The following ACACA variants were observed in gnomAD, a reference collection of about 807,000 sequenced individuals.
The protein encoded by ACACA is acetyl-CoA carboxylase 1.
A neutral mutation model predicts 296.1 loss-of-function variants in ACACA; 103 were observed. That is an observed-to-expected ratio of 0.35 (90% CI 0.30 to 0.41). The LOEUF is 0.41. Ranked by LOEUF, ACACA falls within the 10% of genes least tolerant of loss-of-function variation. The pLI is 1.00. For synonymous variants in ACACA, 953 were observed against 1,038.6 expected (o/e 0.92, Z 1.58); for missense variants, 1,554 against 2,989.7 (o/e 0.52, Z 11.20).
At position 37,252,010 on chromosome 17, in the gene ACACA, T is replaced by C. The variant is rs769794698; in HGVS notation, c.2076A>G (p.Leu692=). 14 of 1,613,894 alleles carry C rather than the reference T, an allele frequency of 8.7e-6. No individual in the cohort carries two copies. The East Asian group carries it at 1.1e-4, about 13-fold the overall frequency. Residue 692 remains leucine, a synonymous_variant, in exon 16 of 56, where the codon TTA becomes TTG. Coordinates refer to ENST00000616317, the MANE Select transcript of ACACA (RefSeq NM_198834.3). ...CTACAAGAAACAAAGCCTACCTTTC[T>C]AAGGAGTGAAGGAAGTTAGAGACGC... ...RNSVSNFLHS[L]ERGQVLPAHT... is the part of the protein sequence containing the mutation.
chr17:37,174,014 ATATATATTTT>A (rs1207649786), intron 41 of ACACA, among the ~76,000 whole-genome samples: 2 of 14,004 alleles, frequency 1.4e-4, no homozygotes, highest in South Asian at 5.6e-3. Flanking sequence ...ATATATATAT[ATATATATTTT>A]TTTTTTTTTT....
chr17:37,152,022 C>T (rs1219814133), intron 43 of ACACA, among the ~76,000 whole-genome samples: 19 of 151,704 alleles, frequency 1.3e-4, no homozygotes, highest in Admixed American at 1.1e-3. Flanking sequence ...GTCTCGATCT[C>T]TTGACCTTGT....
intron 41 of ACACA, among the ~76,000 whole-genome samples, chr17:37,168,804 A>G (rs2076780310): frequency 6.6e-6 from 1 of 152,214 alleles, no homozygotes; most frequent in Admixed American, 6.5e-5. Flanking sequence ...GGTTTATACA[A>G]TATTAATGTC....
At chr17:37,403,000 C>T (rs972690896) in intron 1 of ACACA, among the ~76,000 whole-genome samples, 1 of 152,162 alleles carries the variant, frequency 6.6e-6, no homozygotes. Flanking sequence ...TTTGCCTTTA[C>T]TTACTCATTT....
chr17:37,172,245 G>A (rs2076910376), intron 41 of ACACA, among the ~76,000 whole-genome samples: 1 of 152,150 alleles, frequency 6.6e-6, no homozygotes, highest in African/African-American at 2.4e-5. Context: ...TACTACTTTA[G>A]TGAGCCAGTG....
chr17:37,196,328 T>G (rs1315564665), intron 35 of ACACA, among the ~76,000 whole-genome samples: 2 of 151,778 alleles, frequency 1.3e-5, no homozygotes, highest in Non-Finnish European at 2.9e-5. Context: ...TGATAACTGC[T>G]CATATAGTGA....
chr17:37,230,387 AAAAT>A (rs200006134), intron 25 of ACACA, among the ~76,000 whole-genome samples: 112,952 of 144,222 alleles, frequency 0.78, 44,517 homozygotes, highest in Non-Finnish European at 0.82. Context: ...TCCATCTCAA[AAAAT>A]AAATAAATAA....
intron 3 of ACACA, chr17:37,301,394 C>T: frequency 1.0e-6 from 1 of 985,370 alleles, no homozygotes; most frequent in Non-Finnish European, 1.2e-6. Flanking sequence ...GCACAAAATC[C>T]AACTAGAAGC....
intron 54 of ACACA, among the ~76,000 whole-genome samples, chr17:37,090,665 G>A (rs971383745): frequency 2.6e-5 from 4 of 152,252 alleles, no homozygotes; most frequent in East Asian, 1.9e-4. Context: ...TATCCACGAG[G>A]GAGAAGGTAG....
chr17:37,139,907 G>A (rs1413432194), intron 45 of ACACA, among the ~76,000 whole-genome samples: 1 of 152,208 alleles, frequency 6.6e-6, no homozygotes, highest in African/African-American at 2.4e-5. Flanking sequence ...ACATGAGAAA[G>A]ATTTTGGTTC....
At chr17:37,323,061 C>A (rs138066953) in intron 3 of ACACA, among the ~76,000 whole-genome samples, 7 of 152,388 alleles carry the variant, frequency 4.6e-5, no homozygotes, top group Admixed American at 6.5e-5. Context: ...TGTCTGCAGA[C>A]AGCAAAGCTG....
At chr17:37,359,098 G>C in intron 1 of ACACA, 1 of 985,706 alleles carries the variant, frequency 1.0e-6, no homozygotes, top group Non-Finnish European at 1.2e-6. Context: ...ATGGCTGACA[G>C]GCGTGCAGCA....
At position 37,339,851 on chromosome 17, in the gene ACACA, C is replaced by G; in HGVS notation, c.39-1G>C. ...AGTAGATATCCACTTCCAAAAAGAC[C>G]TAGAGAGAAAGAGAAAGATTTTAAG... On this transcript the variant is annotated splice_acceptor_variant, in intron 1 of 55. Coordinates refer to ENST00000616317, the MANE Select transcript of ACACA (RefSeq NM_198834.3). LOFTEE classifies it high-confidence loss of function. The G allele has an allele frequency of 7.8e-7, 1 of 1,280,638 alleles. No homozygotes were observed. The highest frequency in any genetic ancestry group is 1.3e-5 in the South Asian group (1 of 79,948). 79.3% of individuals were successfully genotyped at this position (1,280,638 alleles called of 1,614,324 possible).
intron 1 of ACACA, chr17:37,385,948 A>G: frequency 1.7e-6 from 2 of 1,177,096 alleles, no homozygotes; most frequent in Non-Finnish European, 2.4e-6. Flanking sequence ...TTCATCAGAT[A>G]AAACCAAAGG....
At chr17:37,101,021 C>T (rs896321425) in intron 52 of ACACA, among the ~76,000 whole-genome samples, 1 of 150,674 alleles carries the variant, frequency 6.6e-6, no homozygotes, top group Admixed American at 6.6e-5. Flanking sequence ...TGCTTGAACC[C>T]GGGAACTGGA....
intron 30 of ACACA, 105 bp from the exon 31 acceptor site, chr17:37,207,905 C>G (rs1031902603): frequency 3.4e-5 from 47 of 1,385,844 alleles, no homozygotes; most frequent in Non-Finnish European, 4.6e-5. Context: ...GAAGTAGGGT[C>G]AGGTTGCAGA....
chr17:37,146,783 G>C (rs2075829137), intron 45 of ACACA, among the ~76,000 whole-genome samples: 1 of 151,786 alleles, frequency 6.6e-6, no homozygotes, highest in South Asian at 2.1e-4. Flanking sequence ...TCAGGAGTGA[G>C]CATCAAGAAC....
chr17:37,205,857 G>A lies in ACACA; in HGVS notation c.3964C>T (p.Pro1322Ser). ...YDEDKVPRDE[P>S]IHILNVAIKT... ...ATAGCCACATTGAGAATGTGAATTGGTTCATCCCTGGGAACCTGTAACTCA... is the reference window on the plus strand; with the variant it reads ...ATAGCCACATTGAGAATGTGAATTGATTCATCCCTGGGAACCTGTAACTCA... Residue 1322 changes from proline to serine, a missense_variant, in exon 33 of 56, where the codon CCA (proline) becomes TCA (serine). This residue lies in a region of ACACA where 179 missense variants were observed against 283.2 expected (regional missense o/e 0.63). Coordinates refer to ENST00000616317, the MANE Select transcript of ACACA (RefSeq NM_198834.3). 1 of 1,612,818 alleles carries A rather than the reference G, an allele frequency of 6.2e-7. No individual in the cohort carries two copies. The highest frequency in any genetic ancestry group is 1.1e-5 in the South Asian group (1 of 91,060).
chr17:37,186,885 A>G (rs2077555456), intron 39 of ACACA, among the ~76,000 whole-genome samples: 1 of 151,846 alleles, frequency 6.6e-6, no homozygotes, highest in Non-Finnish European at 1.5e-5. Flanking sequence ...GAGTTTCCTA[A>G]TAAAGGAAAG....
Sources: allele counts gnomAD v4.1 joint callset (sites outside exome capture counted in the v4.1 genomes callset), GRCh38; gene constraint gnomAD v4.1.1; regional missense constraint gnomAD v4.1.1; transcripts MANE v1.5; gene names NCBI Gene and HGNC (gene_info 2026-07-23, HGNC 2026-07-21).